EBF2: variants seen among roughly 807,000 people sequenced by gnomAD.
EBF2 encodes the protein EBF transcription factor 2, also known as transcription factor COE2.
A neutral mutation model predicts 72.8 loss-of-function variants in EBF2; 21 were observed. The observed-to-expected ratio is 0.29, with a 90% confidence interval of 0.20 to 0.42. The LOEUF (loss-of-function observed/expected upper bound fraction) is 0.42. EBF2 is among the 10% of genes least tolerant of loss of function. The pLI, the probability that EBF2 is intolerant of heterozygous loss-of-function variation, is 1.00. For synonymous variants in EBF2, 299 were observed against 274.2 expected, an observed-to-expected ratio of 1.09 and a Z score of -0.89; for missense variants, 637 against 731.2, an observed-to-expected ratio of 0.87 and a Z score of 1.49.
chr8:25,915,470 T>A (rs1803198150), intron 6 of EBF2, among the ~76,000 whole-genome samples: 1 of 152,096 alleles, frequency 6.6e-6, no homozygotes, highest in Non-Finnish European at 1.5e-5. Context: ...GGGAGTGCAC[T>A]CTCTAGAAGT....
Position 25,957,515 on chromosome 8 carries a change from G to C in EBF2, c.552-48960C>G, listed in dbSNP as rs575143802. On this transcript the variant is annotated intron_variant, in intron 6 of 15. Transcript: ENST00000520164. ...CATCCCCACTGCCTGTGGAGCAACA[G>C]TGTTTGGAATGGGTCCCTTGAGTTA... Among the ~76,000 whole-genome samples the C allele has an allele frequency of 1.6e-4, 24 of 152,244 alleles. No homozygotes were observed. In the South Asian group the frequency reaches 5.0e-3, roughly 32 times the overall value.
intron 13 of EBF2, among the ~76,000 whole-genome samples, chr8:25,860,690 A>G (rs1802197504): frequency 6.6e-6 from 1 of 151,318 alleles, no homozygotes; most frequent in African/African-American, 2.4e-5. Context: ...ACACCTGGCT[A>G]TTTTTTTATA....
At chr8:26,019,690 C>T (rs1805175016) in intron 6 of EBF2, among the ~76,000 whole-genome samples, 1 of 152,174 alleles carries the variant, frequency 6.6e-6, no homozygotes, top group African/African-American at 2.4e-5. Flanking sequence ...ACCATGCAAA[C>T]TCACCAACAG....
intron 6 of EBF2, among the ~76,000 whole-genome samples, chr8:25,967,884 G>C (rs1234888432): frequency 2.0e-5 from 3 of 152,226 alleles, no homozygotes; most frequent in Non-Finnish European, 4.4e-5. Flanking sequence ...CCAAATAGGA[G>C]TGTCATTGAG....
At chr8:25,979,355 G>T (rs1359412868) in intron 6 of EBF2, among the ~76,000 whole-genome samples, 1 of 152,166 alleles carries the variant, frequency 6.6e-6, no homozygotes, top group Non-Finnish European at 1.5e-5. Context: ...GCAAACCCTC[G>T]CCCTGCCCCC....
chr8:25,852,059 T>TAGTC (rs1554559682), intron 14 of EBF2, among the ~76,000 whole-genome samples: 1 of 152,178 alleles, frequency 6.6e-6, no homozygotes, highest in Non-Finnish European at 1.5e-5. Context: ...ATCCTTAAAG[T>TAGTC]AGTCTTGATT....
chr8:25,858,723 G>A (rs1487378967), intron 13 of EBF2, among the ~76,000 whole-genome samples: 1 of 137,382 alleles, frequency 7.3e-6, no homozygotes, highest in African/African-American at 2.8e-5. Flanking sequence ...ACAGTGGCAC[G>A]ATCTTGGCTC....
intron 7 of EBF2, among the ~76,000 whole-genome samples, chr8:25,891,855 G>A (rs927424789): frequency 2.1e-4 from 32 of 152,128 alleles, no homozygotes; most frequent in African/African-American, 6.3e-4. Context: ...TGGGATTACC[G>A]AAGTGAGCCA....
intron 6 of EBF2, among the ~76,000 whole-genome samples, chr8:25,922,404 G>T (rs957033667): frequency 6.6e-6 from 1 of 152,138 alleles, no homozygotes; most frequent in Admixed American, 6.5e-5. Flanking sequence ...CTCAAAGCCT[G>T]GTGTGGTAGA....
intron 13 of EBF2, 147 bp from the exon 14 acceptor site, chr8:25,858,651 CTTTTTTTTTTTTT>C: frequency 7.3e-6 from 1 of 136,332 alleles, no homozygotes; most frequent in Non-Finnish European, 1.3e-5. Flanking sequence ...CCATCTTTAG[CTTTTTTTTTTTTT>C]TTTTTTTTTT....
chr8:26,018,343 A>T (rs1476776526), intron 6 of EBF2, among the ~76,000 whole-genome samples: 1 of 151,512 alleles, frequency 6.6e-6, no homozygotes, highest in African/African-American at 2.4e-5. Context: ...AAGGGAGCAG[A>T]GAGACTGTAA....
chr8:25,971,871 T>C (rs1183573882), intron 6 of EBF2, among the ~76,000 whole-genome samples: 1 of 151,634 alleles, frequency 6.6e-6, no homozygotes, highest in African/African-American at 2.4e-5. Flanking sequence ...CTGGTGGGAG[T>C]CTGCTCTACA....
rs757910270 is a variant in EBF2 at position 25,897,094 on chromosome 8, C to T, written c.634-7225G>A. On this transcript the variant is annotated intron_variant, in intron 7 of 15. Coordinates refer to ENST00000520164, the MANE Select transcript of EBF2 (RefSeq NM_022659.4). Reference sequence around the variant, plus strand: ...TTCTGTTCAGTGAAGAATCAAGTCCCAGACAGGAGAACACAGAGTTGACTG... The same window carrying T: ...TTCTGTTCAGTGAAGAATCAAGTCCTAGACAGGAGAACACAGAGTTGACTG... Among the ~76,000 whole-genome samples the T allele has an allele frequency of 5.9e-5, 9 of 152,120 alleles. 1 individual carries two copies. Among genetic ancestry groups the T allele is most frequent in the Admixed American group, 2.0e-4 (3 of 15,274 alleles).
At chr8:26,003,856 C>G (rs573530678) in intron 6 of EBF2, among the ~76,000 whole-genome samples, 1 of 152,250 alleles carries the variant, frequency 6.6e-6, no homozygotes, top group Admixed American at 6.5e-5. Flanking sequence ...ACCTCTCTGG[C>G]GAAGCACCAG....
chr8:26,006,869 T>C (rs1804891252), intron 6 of EBF2, among the ~76,000 whole-genome samples: 1 of 152,208 alleles, frequency 6.6e-6, no homozygotes, highest in African/African-American at 2.4e-5. Flanking sequence ...CCCACTTGAT[T>C]CATACTTTTT....
intron 6 of EBF2, among the ~76,000 whole-genome samples, chr8:26,004,117 G>GA (rs34762684): frequency 0.61 from 89,703 of 146,882 alleles, 27,093 homozygotes; most frequent in Middle Eastern, 0.74. Flanking sequence ...GTTAAAAAAA[G>GA]AAAAAAAAAA....
intron 6 of EBF2, among the ~76,000 whole-genome samples, chr8:25,911,033 G>C (rs539253474): frequency 6.6e-6 from 1 of 151,808 alleles, no homozygotes; most frequent in Admixed American, 6.6e-5. Flanking sequence ...GGTGTCTTCT[G>C]GTTCTCCGCC....
intron 14 of EBF2, among the ~76,000 whole-genome samples, chr8:25,855,620 A>T (rs1184310735): frequency 6.6e-6 from 1 of 152,200 alleles, no homozygotes; most frequent in Non-Finnish European, 1.5e-5. Flanking sequence ...AGACACAAGC[A>T]ACTGAATTGA....
chr8:25,959,926 A>G (rs1436633711), intron 6 of EBF2, among the ~76,000 whole-genome samples: 1 of 152,214 alleles, frequency 6.6e-6, no homozygotes, highest in Non-Finnish European at 1.5e-5. Context: ...TGGATGAGAC[A>G]CCAACAGCTC....
Sources: gnomAD v4.1 joint callset for allele counts (sites outside exome capture counted in the v4.1 genomes callset) on GRCh38, gnomAD v4.1.1 for gene constraint, MANE v1.5 for transcripts, NCBI Gene and HGNC (gene_info 2026-07-23, HGNC 2026-07-21) for gene names.